CSMD1: variants seen among roughly 807,000 people sequenced by gnomAD.
CSMD1 encodes CUB and sushi domain-containing protein 1.
CSMD1 carries 213 observed loss-of-function variants against 417.5 expected under a neutral mutation model. The observed-to-expected ratio is 0.51, with a 90% CI of 0.46 to 0.57. The LOEUF (loss-of-function observed/expected upper bound fraction) is 0.57, where lower values mean the gene tolerates loss of function less well. CSMD1 is among the 20% of genes least tolerant of loss of function. The pLI is 0.00. For missense variants in CSMD1, 6,923 were observed against 4,529.7 expected (o/e 1.53, Z -15.17); for synonymous variants, 2,862 against 1,736.8 (o/e 1.65, Z -16.11).
intron 4 of CSMD1, among the ~76,000 whole-genome samples, chr8:4,025,635 G>C (rs1487896095): frequency 2.0e-5 from 3 of 152,060 alleles, no homozygotes; most frequent in Non-Finnish European, 4.4e-5. Context: ...AATATACAAT[G>C]AATAAGGTGA....
intron 2 of CSMD1, among the ~76,000 whole-genome samples, chr8:4,510,930 C>T (rs530024603): frequency 2.7e-4 from 41 of 150,878 alleles, no homozygotes; most frequent in Admixed American, 6.0e-4. Context: ...TCTCCTTCTC[C>T]GTTCCCGTTC....
rs1314287502 is a variant in CSMD1, at chr8:3,367,234, G to C, written c.2913C>G (p.Ile971Met). Residue 971 changes from isoleucine (I) to methionine (M), a missense_variant, in exon 20 of 70, where the codon ATC (isoleucine) becomes ATG (methionine). Transcript: ENST00000635120. ...EVSHGKGVQM[I>M]FHTFHLESSH... ...AACTCTCAAGATGAAAGGTGTGAAAGATCATTTGAACTCCTGAGAAATGAA... is the reference window on the plus strand; with the variant it reads ...AACTCTCAAGATGAAAGGTGTGAAACATCATTTGAACTCCTGAGAAATGAA... The C allele has an allele frequency of 6.2e-7, 1 of 1,611,164 alleles. No individual in the cohort carries two copies. The highest frequency in any genetic ancestry group is 8.5e-7 in the Non-Finnish European group (1 of 1,178,394).
chr8:3,291,045 A>C (rs1192846630), intron 25 of CSMD1, among the ~76,000 whole-genome samples: 1 of 152,098 alleles, frequency 6.6e-6, no homozygotes, highest in Non-Finnish European at 1.5e-5. Flanking sequence ...GGGTTGTTGA[A>C]TTTTGTCAAA....
chr8:3,786,915 T>C (rs113092023), intron 5 of CSMD1, among the ~76,000 whole-genome samples: 162 of 152,240 alleles, frequency 1.1e-3, no homozygotes, highest in Middle Eastern at 6.8e-3. Flanking sequence ...CTAGCACCTT[T>C]AGGATGAGGA....
At chr8:4,243,567 G>A (rs1223182741) in intron 3 of CSMD1, among the ~76,000 whole-genome samples, 2 of 152,126 alleles carry the variant, frequency 1.3e-5, no homozygotes, top group East Asian at 1.9e-4. Context: ...AAGCATATGA[G>A]TAAATAAGTT....
chr8:3,605,123 T>C (rs1801547396), intron 8 of CSMD1, among the ~76,000 whole-genome samples: 1 of 152,116 alleles, frequency 6.6e-6, no homozygotes, highest in South Asian at 2.1e-4. Context: ...GCCTCCCGAG[T>C]AGCTGGGACT....
intron 5 of CSMD1, among the ~76,000 whole-genome samples, chr8:3,960,230 A>G (rs752552781): frequency 6.6e-6 from 1 of 152,172 alleles, no homozygotes; most frequent in African/African-American, 2.4e-5. Flanking sequence ...AGAAAATTTT[A>G]TTTCCTCTCC....
intron 1 of CSMD1, among the ~76,000 whole-genome samples, chr8:4,982,470 CAAAG>C (rs1234486845): frequency 1.3e-5 from 2 of 152,150 alleles, no homozygotes; most frequent in Non-Finnish European, 2.9e-5. Flanking sequence ...CATTTGGAGA[CAAAG>C]AACGGGTATT....
chr8:4,060,820 A>G (rs923977065), intron 3 of CSMD1, among the ~76,000 whole-genome samples: 2 of 152,218 alleles, frequency 1.3e-5, no homozygotes, highest in African/African-American at 4.8e-5. Context: ...GGCAAGGACT[A>G]AAATCAGAAA....
At chr8:3,305,183 C>A (rs1162838985) in intron 25 of CSMD1, among the ~76,000 whole-genome samples, 2 of 152,032 alleles carry the variant, frequency 1.3e-5, no homozygotes, top group African/African-American at 2.4e-5. Flanking sequence ...CTATGCCTGG[C>A]CTATTTATTT....
intron 2 of CSMD1, among the ~76,000 whole-genome samples, chr8:4,484,866 G>A (rs190006083): frequency 5.0e-4 from 76 of 151,536 alleles, no homozygotes; most frequent in Non-Finnish European, 7.8e-4. Context: ...CCAACTACTC[G>A]GGAGGCTGAG....
chr8:4,764,281 G>C (rs1018824767), intron 1 of CSMD1, among the ~76,000 whole-genome samples: 1 of 152,210 alleles, frequency 6.6e-6, no homozygotes. Context: ...ATTGGGGGTA[G>C]AGGTGAGACT....
At chr8:3,941,171 T>C (rs1300125468) in intron 5 of CSMD1, among the ~76,000 whole-genome samples, 1 of 152,098 alleles carries the variant, frequency 6.6e-6, no homozygotes, top group Non-Finnish European at 1.5e-5. Flanking sequence ...AAATAAAATA[T>C]TCAGAATATT....
At chr8:4,042,857 G>C (rs1797963011) in intron 3 of CSMD1, among the ~76,000 whole-genome samples, 1 of 120,786 alleles carries the variant, frequency 8.3e-6, no homozygotes, top group African/African-American at 3.4e-5. Context: ...GCTGGGCACG[G>C]TGGCTCATGC....
At chr8:3,590,100 AT>A (rs1029572277) in intron 8 of CSMD1, among the ~76,000 whole-genome samples, 1 of 152,158 alleles carries the variant, frequency 6.6e-6, no homozygotes, top group Non-Finnish European at 1.5e-5. Context: ...ATAAAGAAAA[AT>A]AAAAATGACA....
At chr8:4,080,517 G>A (rs1361892655) in intron 3 of CSMD1, among the ~76,000 whole-genome samples, 1 of 152,280 alleles carries the variant, frequency 6.6e-6, no homozygotes, top group African/African-American at 2.4e-5. Flanking sequence ...AGAAGATACT[G>A]ATCAAGACTG....
intron 47 of CSMD1, among the ~76,000 whole-genome samples, chr8:3,094,557 G>A (rs573179911): frequency 5.5e-4 from 83 of 152,096 alleles, no homozygotes; most frequent in Non-Finnish European, 9.0e-4. Flanking sequence ...AGTAAAGGAA[G>A]GTATCCATTT....
chr8:3,372,293 G>A (rs1395816725), intron 18 of CSMD1, among the ~76,000 whole-genome samples: 1 of 152,154 alleles, frequency 6.6e-6, no homozygotes, highest in African/African-American at 2.4e-5. Flanking sequence ...GCAGGGACAG[G>A]GAACAGAAAG....
chr8:3,723,122 C>A (rs1274330775), intron 6 of CSMD1, among the ~76,000 whole-genome samples: 1 of 152,106 alleles, frequency 6.6e-6, no homozygotes, highest in Non-Finnish European at 1.5e-5. Context: ...TTGGTGAAGT[C>A]CAATTCGGTG....
Sources: gnomAD v4.1 joint callset for allele counts (sites outside exome capture counted in the v4.1 genomes callset) on GRCh38, gnomAD v4.1.1 for gene constraint, MANE v1.5 for transcripts, NCBI Gene and HGNC (gene_info 2026-07-23, HGNC 2026-07-21) for gene names.